Variants in ATAD3B observed in about 807,000 individuals in gnomAD.
ATAD3B encodes the protein ATPase family AAA domain-containing protein 3B.
In ATAD3B, 59 loss-of-function variants were observed where a neutral mutation model predicts 70.2. The ratio of observed to expected loss-of-function variants is 0.84; its 90% CI spans 0.68 to 1.04. ATAD3B has a LOEUF of 1.04. Ranked by LOEUF, ATAD3B falls within the 50% of genes least tolerant of loss-of-function variation. The pLI, the probability that ATAD3B is intolerant of heterozygous loss-of-function variation, is 0.00. For synonymous variants in ATAD3B, 423 were observed against 388.6 expected (o/e 1.09, Z -1.04); for missense variants, 961 against 913.4 (o/e 1.05, Z -0.67).
chr1:1,491,730 A>C (rs1450688197), intron 15 of ATAD3B, among the ~76,000 whole-genome samples: 4 of 151,972 alleles, frequency 2.6e-5, no homozygotes, highest in African/African-American at 4.8e-5. Context: ...CCTTGATTTG[A>C]ACGTAGGAGC....
chr1:1,502,308 G>A (rs1332449319), downstream of ATAD3B, among the ~76,000 whole-genome samples: 1 of 150,986 alleles, frequency 6.6e-6, no homozygotes, highest in Non-Finnish European at 1.5e-5. Context: ...TCCGCCTCCC[G>A]GGTTCACGCC....
At chr1:1,508,848 A>AC in the ATAD3B span, among the ~76,000 whole-genome samples, 9 of 151,430 alleles carry the variant, frequency 5.9e-5, no homozygotes, top group Non-Finnish European at 1.0e-4. Context: ...GTGCACTATG[A>AC]CCCGGGGGCA....
Position 1,471,789 on chromosome 1 carries a change from C to CAG in ATAD3B, c.-96_-95insAG, listed in dbSNP as rs1639334623. ...TGTTTCGCCTGCGCAGTGGTCCTGG[C>CAG]CACCGGCTCGCGGCGCGTGGAGGCT... On this transcript the variant is annotated 5_prime_UTR_variant, in exon 1 of 16. Coordinates refer to ENST00000673477, the MANE Select transcript of ATAD3B (RefSeq NM_031921.6). The CAG allele has an allele frequency of 1.6e-6, 2 of 1,217,734 alleles. No individual in the cohort carries two copies. The highest frequency in any genetic ancestry group is 3.2e-5 in the African/African-American group (2 of 63,152). The allele number at this position is 1,217,734 out of a possible 1,614,324, so 75.4% of individuals were successfully genotyped here.
chr1:1,473,168 C>T (rs780237223), intron 1 of ATAD3B, among the ~76,000 whole-genome samples: 40 of 98,766 alleles, frequency 4.0e-4, no homozygotes, highest in Non-Finnish European at 7.1e-4. Flanking sequence ...TGAGATGAGT[C>T]TCGCTCTGTC....
chr1:1,478,345 T>A (rs555167451), intron 2 of ATAD3B: 4 of 1,326,478 alleles, frequency 3.0e-6, no homozygotes, highest in Admixed American at 2.7e-5. Context: ...CTCATCACAG[T>A]CCAAAAGTGA....
chr1:1,493,282 T>A (rs1640626750), intron 15 of ATAD3B, among the ~76,000 whole-genome samples: 1 of 151,926 alleles, frequency 6.6e-6, no homozygotes, highest in African/African-American at 2.4e-5. Flanking sequence ...TCCAGCGATA[T>A]GTGGAATAGA....
chr1:1,508,104 C>A, the ATAD3B span, among the ~76,000 whole-genome samples: 1 of 152,166 alleles, frequency 6.6e-6, no homozygotes, highest in East Asian at 1.9e-4. Flanking sequence ...CGGGTGGACC[C>A]TGAGGGTCCC....
At position 1,486,093 on chromosome 1, in the gene ATAD3B, C is replaced by T. The variant is rs373307254; in HGVS notation, c.964-17C>T. ...GGGTGCAGAGTGTCTCCCCCAAACC[C>T]CCGTCTTCCCCGGCAGCCCAGCCTG... On this transcript the variant is annotated splice_polypyrimidine_tract_variant and intron_variant, in intron 9 of 15. Coordinates refer to ENST00000673477, the MANE Select transcript of ATAD3B (RefSeq NM_031921.6). 1 of 1,612,846 alleles carries T rather than the reference C, an allele frequency of 6.2e-7. No individual in the cohort carries two copies. Among genetic ancestry groups the T allele is most frequent in the Non-Finnish European group, 8.5e-7 (1 of 1,179,618 alleles).
chr1:1,486,017 G>A (rs1449963482), intron 9 of ATAD3B, 93 bp from the exon 10 acceptor site: 65 of 1,599,410 alleles, frequency 4.1e-5, no homozygotes, highest in Non-Finnish European at 5.5e-5. Context: ...TTCCTGAGGA[G>A]CAGAGTCCGC....
the ATAD3B span, among the ~76,000 whole-genome samples, chr1:1,508,389 G>A: frequency 1.4e-4 from 21 of 151,282 alleles, no homozygotes; most frequent in Admixed American, 4.6e-4. Context: ...GTGTGCTGCT[G>A]CCCCTGCACC....
At chr1:1,483,952 G>A (rs557741346) in intron 7 of ATAD3B, 3 of 152,182 alleles carry the variant, frequency 2.0e-5, no homozygotes, top group Middle Eastern at 3.4e-3. Context: ...CCGGCACCAC[G>A]GCAGAGCAAG....
chr1:1,478,458 C>T (rs1239401404), intron 2 of ATAD3B, 186 bp from the exon 3 acceptor site: 4 of 1,540,014 alleles, frequency 2.6e-6, no homozygotes, highest in African/African-American at 1.4e-5. Flanking sequence ...TGCTTCTGTG[C>T]CTGTGGGTCT....
chr1:1,502,614 T>C (rs1263907808), downstream of ATAD3B, among the ~76,000 whole-genome samples: 3 of 146,190 alleles, frequency 2.1e-5, no homozygotes, highest in African/African-American at 7.7e-5. Context: ...CGGGTTCAAG[T>C]GATTCTCCAG....
downstream of ATAD3B, among the ~76,000 whole-genome samples, chr1:1,502,121 C>T (rs149699137): frequency 3.8e-4 from 57 of 151,978 alleles, no homozygotes; most frequent in African/African-American, 1.2e-3. Context: ...TCAGGTGATC[C>T]GCCTGCCTCG....
At chr1:1,501,878 T>G (rs546618001), downstream of ATAD3B, among the ~76,000 whole-genome samples, 1 of 152,034 alleles carries the variant, frequency 6.6e-6, no homozygotes, top group Non-Finnish European at 1.5e-5. Context: ...TTGTTTTGTT[T>G]TGTTTTGTTT....
At chr1:1,475,700 G>A (rs1176993592) in intron 1 of ATAD3B, among the ~76,000 whole-genome samples, 7 of 151,922 alleles carry the variant, frequency 4.6e-5, no homozygotes, top group South Asian at 4.2e-4. Context: ...GGAGAGCCTC[G>A]TGCCCTGTGG....
intron 10 of ATAD3B, 126 bp from the exon 11 acceptor site, chr1:1,486,418 T>C: frequency 4.4e-6 from 7 of 1,600,022 alleles, no homozygotes; most frequent in Non-Finnish European, 6.0e-6. Context: ...GGACGTCTCC[T>C]GTCTGGCAGG....
rs1355034979 is a variant in ATAD3B, at chr1:1,497,421, G to A, written c.*1604G>A. The A allele has an allele frequency of 6.7e-6, 1 of 149,352 alleles. No individual in the cohort carries two copies. Among genetic ancestry groups the A allele is most frequent in the African/African-American group, 2.5e-5 (1 of 40,110 alleles). 9.3% of individuals were successfully genotyped at this position (149,352 alleles called of 1,614,324 possible). ...ATGCTAAAAATTTGTTGTAGAGACC[G>A]AGTCTTGCTATAATGCCCAGGCTGG... is the stretch of plus-strand genomic sequence containing the variant. On this transcript the variant is annotated 3_prime_UTR_variant, in exon 16 of 16. Transcript: ENST00000673477.
At chr1:1,508,453 C>T in the ATAD3B span, among the ~76,000 whole-genome samples, 22 of 151,378 alleles carry the variant, frequency 1.5e-4, no homozygotes, top group Admixed American at 1.4e-3. Context: ...GCTAGGGACC[C>T]GCTCAGCTGT....
Sources: gnomAD v4.1 joint callset for allele counts (sites outside exome capture counted in the v4.1 genomes callset) on GRCh38, gnomAD v4.1.1 for gene constraint, MANE v1.5 for transcripts, NCBI Gene and HGNC (gene_info 2026-07-23, HGNC 2026-07-21) for gene names.